The following PEBP4 variants were observed in gnomAD, a reference collection of about 807,000 sequenced individuals.
The protein encoded by PEBP4 is phosphatidylethanolamine binding protein 4.
Under a neutral mutation model 23.9 loss-of-function variants are expected in PEBP4, and 22 were observed. The ratio of observed to expected loss-of-function variants is 0.92; its 90% confidence interval spans 0.66 to 1.31. PEBP4 has a LOEUF of 1.31. Ranked by LOEUF, PEBP4 falls within the 40% of genes most tolerant of loss-of-function variation. PEBP4 has a pLI of 0.00. For synonymous variants in PEBP4, 112 were observed against 99.3 expected, an observed-to-expected ratio of 1.13 and a Z score of -0.76; for missense variants, 324 against 281.7, an observed-to-expected ratio of 1.15 and a Z score of -1.07.
At chr8:22,925,387 C>T in intron 2 of PEBP4, 5 of 924,246 alleles carry the variant, frequency 5.4e-6, no homozygotes, top group Non-Finnish European at 5.2e-6. Context: ...AGTGTGGAGT[C>T]AGACAAGGGG....
chr8:22,835,393 A>G (rs144290025), intron 3 of PEBP4, among the ~76,000 whole-genome samples: 103 of 152,314 alleles, frequency 6.8e-4, no homozygotes, highest in African/African-American at 2.4e-3. Flanking sequence ...CAAATGGTCC[A>G]TATCTCCAGC....
chr8:22,863,907 C>T (rs137998137), intron 3 of PEBP4, among the ~76,000 whole-genome samples: 5 of 152,294 alleles, frequency 3.3e-5, no homozygotes, highest in African/African-American at 1.2e-4. Flanking sequence ...GCACGCTGTC[C>T]TCTCCAAGAC....
intron 1 of PEBP4, among the ~76,000 whole-genome samples, chr8:22,939,680 A>C (rs995740019): frequency 6.6e-6 from 1 of 151,700 alleles, no homozygotes; most frequent in African/African-American, 2.4e-5. Context: ...GGTGGCAATG[A>C]TGGGGCTGGC....
chr8:22,797,556 G>A (rs545313910), intron 4 of PEBP4, among the ~76,000 whole-genome samples: 1 of 152,194 alleles, frequency 6.6e-6, no homozygotes, highest in Admixed American at 6.5e-5. Context: ...GAAGGGAAAG[G>A]ATATTCGGGG....
intron 3 of PEBP4, among the ~76,000 whole-genome samples, chr8:22,818,432 T>C (rs976039372): frequency 5.9e-5 from 9 of 151,862 alleles, no homozygotes; most frequent in Non-Finnish European, 8.8e-5. Flanking sequence ...GCTATGAAGG[T>C]CTTCAGGTGG....
chr8:22,924,369 A>ACAGAGTATTT (rs1809278790), intron 2 of PEBP4, among the ~76,000 whole-genome samples: 1 of 152,066 alleles, frequency 6.6e-6, no homozygotes, highest in Non-Finnish European at 1.5e-5. Context: ...TCTCTAAAAG[A>ACAGAGTATTT]AATGTATTTA....
chr8:22,837,550 C>T (rs898755944), intron 3 of PEBP4, among the ~76,000 whole-genome samples: 2 of 152,218 alleles, frequency 1.3e-5, no homozygotes, highest in Non-Finnish European at 2.9e-5. Context: ...TGGCCCTGCA[C>T]CTCTAGCTGT....
At chr8:22,872,570 A>G (rs1808027495) in intron 3 of PEBP4, among the ~76,000 whole-genome samples, 1 of 152,212 alleles carries the variant, frequency 6.6e-6, no homozygotes, top group Non-Finnish European at 1.5e-5. Context: ...GAAGAGGCAG[A>G]AAAGTGATCT....
chr8:22,728,817 C>T (rs1804677256), intron 4 of PEBP4, among the ~76,000 whole-genome samples: 1 of 152,100 alleles, frequency 6.6e-6, no homozygotes, highest in Admixed American at 6.5e-5. Context: ...AGACTGGTTT[C>T]GAACTCCTGA....
intron 3 of PEBP4, among the ~76,000 whole-genome samples, chr8:22,856,006 C>G (rs907411576): frequency 7.5e-6 from 1 of 133,222 alleles, no homozygotes; most frequent in Non-Finnish European, 1.5e-5. Flanking sequence ...ACCATATTTG[C>G]ATCACTGCAC....
At chr8:22,926,967 G>C (rs1291291375) in intron 2 of PEBP4, among the ~76,000 whole-genome samples, 2 of 152,082 alleles carry the variant, frequency 1.3e-5, no homozygotes, top group African/African-American at 4.8e-5. Flanking sequence ...ACAAATGAAG[G>C]CTTGCTTTTC....
At chr8:22,738,251 C>A (rs1383114164) in intron 4 of PEBP4, among the ~76,000 whole-genome samples, 1 of 152,250 alleles carries the variant, frequency 6.6e-6, no homozygotes, top group African/African-American at 2.4e-5. Context: ...ACTCCTTCCT[C>A]TTTCCCTCCA....
At chr8:22,914,677 C>T (rs1433587405) in intron 3 of PEBP4, among the ~76,000 whole-genome samples, 1 of 152,096 alleles carries the variant, frequency 6.6e-6, no homozygotes, top group Non-Finnish European at 1.5e-5. Context: ...TGCTGGAACA[C>T]TGAGGATGCA....
chr8:22,797,396 C>T (rs1313906386), intron 4 of PEBP4, among the ~76,000 whole-genome samples: 1 of 151,700 alleles, frequency 6.6e-6, no homozygotes, highest in Non-Finnish European at 1.5e-5. Flanking sequence ...TTCACTTTAC[C>T]TGGGAGGACA....
chr8:22,874,996 A>C (rs993129837), intron 3 of PEBP4, among the ~76,000 whole-genome samples: 1 of 151,616 alleles, frequency 6.6e-6, no homozygotes, highest in African/African-American at 2.4e-5. Flanking sequence ...CTGGTGGTCT[A>C]CCTGCCCATC....
At position 22,865,036 on chromosome 8, in the gene PEBP4, C is replaced by T. The variant is rs978000414; in HGVS notation, c.259-47301G>A. Among the ~76,000 whole-genome samples the T allele has an allele frequency of 1.3e-5, 2 of 151,992 alleles. No homozygotes were observed. The highest frequency in any genetic ancestry group is 2.9e-5 in the Non-Finnish European group (2 of 67,978). ...GACCGTGAGAGAGGGAGGCAGGCGG[C>T]GAGGCCAAGGGGTAGGTCACCAGGC... is the stretch of plus-strand genomic sequence containing the variant. On this transcript the variant is annotated intron_variant, in intron 3 of 6. Transcript: ENST00000256404. This position sits in a 1 kb window ranked among gnomAD's most constrained non-coding sequence, Gnocchi z 6.9.
At chr8:22,822,524 C>T (rs1266618486) in intron 3 of PEBP4, among the ~76,000 whole-genome samples, 2 of 152,038 alleles carry the variant, frequency 1.3e-5, no homozygotes, top group African/African-American at 2.4e-5. Context: ...CTCTCTTTTC[C>T]TTTCTTCTTC....
chr8:22,837,967 C>T (rs1159519741), intron 3 of PEBP4, among the ~76,000 whole-genome samples: 2 of 130,312 alleles, frequency 1.5e-5, no homozygotes, highest in African/African-American at 3.0e-5. Context: ...GGTGTGATCT[C>T]GGCTCACTGC....
At chr8:22,930,079 A>C (rs1585162419), upstream of PEBP4, among the ~76,000 whole-genome samples, 1 of 152,078 alleles carries the variant, frequency 6.6e-6, no homozygotes, top group East Asian at 1.9e-4. Context: ...CTCCCTCTAC[A>C]TTCCCTTTGC....
Sources: allele counts gnomAD v4.1 joint callset (sites outside exome capture counted in the v4.1 genomes callset), GRCh38; gene constraint gnomAD v4.1.1; non-coding constraint Gnocchi (gnomAD v3.1); transcripts MANE v1.5; gene names NCBI Gene and HGNC (gene_info 2026-07-23, HGNC 2026-07-21).